Variants in CSNK1A1 observed in about 807,000 individuals in gnomAD.
CSNK1A1 encodes casein kinase 1 alpha 1.
Under a neutral mutation model 46.1 loss-of-function variants are expected in CSNK1A1, and 7 were observed. That is an observed-to-expected ratio of 0.15 (90% confidence interval 0.09 to 0.29). The LOEUF is 0.29. Among genes scored for constraint, CSNK1A1 ranks in the 10% least tolerant of loss-of-function variants. The probability of loss-of-function intolerance (pLI) is 1.00; values close to 1 mark genes in which losing one functional copy is unlikely to be tolerated. For synonymous variants in CSNK1A1, 137 were observed against 141.5 expected (o/e 0.97, Z 0.23); for missense variants, 96 against 417.1 (o/e 0.23, Z 6.71).
intron 2 of CSNK1A1, among the ~76,000 whole-genome samples, chr5:149,534,487 A>C (rs1384731363): frequency 2.5e-5 from 1 of 39,654 alleles, no homozygotes; most frequent in Non-Finnish European, 5.8e-5. Context: ...TGTCTCAAAA[A>C]AAAAAAAAAA....
intron 3 of CSNK1A1, among the ~76,000 whole-genome samples, chr5:149,522,839 CT>C (rs1477356171): frequency 6.6e-6 from 1 of 152,082 alleles, no homozygotes; most frequent in Non-Finnish European, 1.5e-5. Flanking sequence ...TTCCATCTTT[CT>C]TTATTAGACT....
Position 149,517,683 on chromosome 5 carries a change from A to C in CSNK1A1, c.456+2607T>G. The C allele has an allele frequency of 1.5e-6, 1 of 679,876 alleles. No individual in the cohort carries two copies. The highest frequency in any genetic ancestry group is 2.5e-6 in the Non-Finnish European group (1 of 392,724). 42.1% of individuals were successfully genotyped at this position (679,876 alleles called of 1,614,324 possible). ...TGCCAACGTAAGAGGTGCTTGAGCA[A>C]GATCTACATTCTCCAGAATTAAAAC... On this transcript the variant is annotated intron_variant, in intron 4 of 9. Coordinates refer to ENST00000377843, the MANE Select transcript of CSNK1A1 (RefSeq NM_001892.6). The surrounding 1 kb of genome is among the most constrained non-coding windows in gnomAD (Gnocchi z 4.4).
At chr5:149,529,611 G>A in intron 2 of CSNK1A1, 2 of 447,286 alleles carry the variant, frequency 4.5e-6, no homozygotes, top group Non-Finnish European at 9.0e-6. Flanking sequence ...TACCAGGCAG[G>A]GGCAAACCAT....
intron 2 of CSNK1A1, among the ~76,000 whole-genome samples, chr5:149,544,584 C>G (rs1414633144): frequency 1.3e-5 from 2 of 151,198 alleles, no homozygotes; most frequent in Non-Finnish European, 2.9e-5. Flanking sequence ...AAGGTTTTAA[C>G]AGAAACTCAA....
At chr5:149,513,702 C>T (rs369627323) in intron 4 of CSNK1A1, among the ~76,000 whole-genome samples, 1 of 152,036 alleles carries the variant, frequency 6.6e-6, no homozygotes, top group Non-Finnish European at 1.5e-5. Flanking sequence ...GAGTTCAAGA[C>T]CAGCCTGACC....
In CSNK1A1 at chr5:149,525,271, A is replaced by G. The variant is rs1250760439; in HGVS notation, c.231-100T>C. 8.4e-7 allele frequency: 1 copy of G among 1,193,998 alleles called. No individual in the cohort carries two copies. The highest frequency in any genetic ancestry group is 1.1e-6 in the Non-Finnish European group (1 of 887,206). The allele number at this position is 1,193,998 out of a possible 1,614,324, so 74.0% of individuals were successfully genotyped here. A position where few individuals can be genotyped will look rare whatever the true frequency, so the allele number is the denominator to read the frequency against. On this transcript the variant is annotated intron_variant, in intron 2 of 9. Transcript: ENST00000377843. This position sits in a 1 kb window ranked among gnomAD's most constrained non-coding sequence, Gnocchi z 4.2. ...AGTTTTCTTTCACTGACTAGGTATT[A>G]TATAAGGCGAATGTTCCCCTACTCA...
intron 2 of CSNK1A1, among the ~76,000 whole-genome samples, chr5:149,528,659 C>G (rs888630659): frequency 6.6e-6 from 1 of 152,198 alleles, no homozygotes; most frequent in Admixed American, 6.5e-5. Context: ...AAGAAATCTT[C>G]CTAATGTCAC....
Position 149,511,851 on chromosome 5 carries a change from T to G in CSNK1A1, c.618A>C (p.Ser206=), listed in dbSNP as rs1434537399. ...IEQSRRDDME[S]LGYVLMYFNR... is the part of the protein sequence containing the mutation. The stretch of plus-strand genomic sequence containing the variant: ...TAAAATACATCAAAACATATCCTAA[T>G]GATTCCATGTCATCTCGGCGACTAG... Residue 206 remains serine, a synonymous_variant, in exon 6 of 10, where the codon TCA becomes TCC. Transcript: ENST00000377843. 1 of 1,610,756 alleles carries G rather than the reference T, an allele frequency of 6.2e-7. No individual in the cohort carries two copies. Among genetic ancestry groups the G allele is most frequent in the Admixed American group, 1.7e-5 (1 of 59,670 alleles).
intron 4 of CSNK1A1, among the ~76,000 whole-genome samples, chr5:149,516,477 T>C (rs1761407510): frequency 1.3e-5 from 2 of 152,142 alleles, no homozygotes; most frequent in Non-Finnish European, 2.9e-5. Flanking sequence ...CAGCATTTTT[T>C]TTTTTTTCCT....
chr5:149,536,770 C>T (rs1217135018), intron 2 of CSNK1A1, among the ~76,000 whole-genome samples: 4 of 152,248 alleles, frequency 2.6e-5, no homozygotes, highest in Admixed American at 2.6e-4. Flanking sequence ...CCTTCAGTGA[C>T]CAGACCATTA....
chr5:149,519,233 T>C (rs1356530342), intron 4 of CSNK1A1, among the ~76,000 whole-genome samples: 1 of 152,158 alleles, frequency 6.6e-6, no homozygotes, highest in Admixed American at 6.6e-5. Flanking sequence ...ATTCTAATGG[T>C]AATGTCTCCC....
At position 149,525,142 on chromosome 5, in the gene CSNK1A1, A is replaced by G; in HGVS notation, c.260T>C (p.Val87Ala). ...AGGTCCCAGAAGATCCATGACTAGTACATTGTAGTCTTTTTCCTGACCATA... is the reference window on the plus strand; with the variant it reads ...AGGTCCCAGAAGATCCATGACTAGTGCATTGTAGTCTTTTTCCTGACCATA... ...RWYGQEKDYN[V>A]LVMDLLGPSL... Residue 87 changes from valine to alanine, a missense_variant, in exon 3 of 10, where the codon GTA becomes GCA. Transcript: ENST00000377843. The surrounding 1 kb of genome is among the most constrained non-coding windows in gnomAD (Gnocchi z 4.2). 6.2e-7 allele frequency: 1 copy of G among 1,612,308 alleles called. No homozygotes were observed. Among genetic ancestry groups the G allele is most frequent in the South Asian group, 1.1e-5 (1 of 90,720 alleles).
intron 4 of CSNK1A1, among the ~76,000 whole-genome samples, chr5:149,516,493 G>C (rs1460142300): frequency 8.6e-5 from 13 of 150,710 alleles, no homozygotes. Flanking sequence ...TTCCTAACCA[G>C]GGGTCATAAT....
chr5:149,545,404 GGCCTGAGAGCCTTTGGGAGGA>G, intron 2 of CSNK1A1: 2 of 505,522 alleles, frequency 4.0e-6, no homozygotes, highest in South Asian at 5.6e-5. Context: ...CCTTTGTAGG[GGCCTGAGAGCCTTTGGGAGGA>G]GCCTGAGCTG....
rs536169207 is a variant in CSNK1A1 at position 149,495,759 on chromosome 5, A to AG, written c.*1093_*1094insC. 1.6e-4 allele frequency: 24 copies of AG among 152,140 alleles called. No homozygotes were observed. The South Asian group carries it at 2.1e-3, about 13-fold the overall frequency. The allele number at this position is 152,140 out of a possible 1,614,324, so 9.4% of individuals were successfully genotyped here. A position where few individuals can be genotyped will look rare whatever the true frequency, so the allele number is the denominator to read the frequency against. On this transcript the variant is annotated 3_prime_UTR_variant, in exon 10 of 10. Transcript: ENST00000377843. ...CTGCAAGTCATAAAAAAAAAAAAAA[A>AG]AAAAGAAAAAAATGAAAGAATGCCT...
At chr5:149,542,526 A>G (rs1762267283) in intron 2 of CSNK1A1, among the ~76,000 whole-genome samples, 1 of 132,082 alleles carries the variant, frequency 7.6e-6, no homozygotes, top group South Asian at 2.6e-4. Context: ...ACCACTGACT[A>G]AAGCCAAGGA....
intron 2 of CSNK1A1, among the ~76,000 whole-genome samples, chr5:149,538,752 G>A (rs1336877318): frequency 2.6e-5 from 4 of 151,896 alleles, no homozygotes; most frequent in East Asian, 1.9e-4. Flanking sequence ...GAGAAACCCC[G>A]TCTCTACTAA....
chr5:149,532,211 GAGC>G (rs1286555710), intron 2 of CSNK1A1, among the ~76,000 whole-genome samples: 2 of 152,058 alleles, frequency 1.3e-5, no homozygotes, highest in Non-Finnish European at 2.9e-5. Context: ...TTAAATATAG[GAGC>G]AGGTCTAATA....
Position 149,493,694 on chromosome 5 carries a change from C to T in CSNK1A1, c.*3159G>A, listed in dbSNP as rs889871047. The T allele has an allele frequency of 6.6e-6, 1 of 151,812 alleles. No homozygotes were observed. The highest frequency in any genetic ancestry group is 1.5e-5 in the Non-Finnish European group (1 of 67,962). 9.4% of individuals were successfully genotyped at this position (151,812 alleles called of 1,614,324 possible). A position where few individuals can be genotyped will look rare whatever the true frequency, so the allele number is the denominator to read the frequency against. The stretch of plus-strand genomic sequence containing the variant: ...AAGTTTTGAGGAGGAAGAAAATCCC[C>T]CAAAATGTAAGCAATGGTAATAATG... On this transcript the variant is annotated 3_prime_UTR_variant, in exon 10 of 10. Coordinates refer to ENST00000377843, the MANE Select transcript of CSNK1A1 (RefSeq NM_001892.6).
Sources: allele counts gnomAD v4.1 joint callset (sites outside exome capture counted in the v4.1 genomes callset), GRCh38; gene constraint gnomAD v4.1.1; non-coding constraint Gnocchi (gnomAD v3.1); transcripts MANE v1.5; gene names NCBI Gene and HGNC (gene_info 2026-07-23, HGNC 2026-07-21).